Variants in MIER3 observed in about 807,000 individuals in gnomAD.
MIER3 encodes the protein MIER family member 3.
Under a neutral mutation model 63.2 loss-of-function variants are expected in MIER3, and 9 were observed. That is an observed-to-expected ratio of 0.14 (90% CI 0.09 to 0.25). The LOEUF is 0.25. Among genes scored for constraint, MIER3 ranks in the 10% least tolerant of loss-of-function variants. MIER3 has a pLI of 1.00. For missense variants in MIER3, 512 were observed against 666.2 expected (o/e 0.77, Z 2.55); for synonymous variants, 205 against 224.9 (o/e 0.91, Z 0.79).
At chr5:56,950,463 A>G (rs747632556) in intron 2 of MIER3, among the ~76,000 whole-genome samples, 165 bp downstream of exon 2, 2 of 152,220 alleles carry the variant, frequency 1.3e-5, no homozygotes, top group Non-Finnish European at 2.9e-5. Context: ...AAAGAACAGT[A>G]TAACTGTTTC....
Position 56,928,982 on chromosome 5 carries a change from C to CTT in MIER3, c.830-122_830-121insAA, listed in dbSNP as rs1340711584. The stretch of plus-strand genomic sequence containing the variant: ...TCTCTCTCTCTCTCACACACACACA[C>CTT]TCTCTCTCTCACACACACACACACT... On this transcript the variant is annotated intron_variant, in intron 9 of 12. Coordinates refer to ENST00000381199, the MANE Select transcript of MIER3 (RefSeq NM_001297599.2). 730 of 499,460 alleles carry CTT rather than the reference C, an allele frequency of 1.5e-3. 8 individuals carry two copies. Among genetic ancestry groups the CTT allele is most frequent in the Non-Finnish European group, 1.8e-3 (524 of 285,240 alleles). The allele number at this position is 499,460 out of a possible 1,614,324, so 30.9% of individuals were successfully genotyped here.
At chr5:56,943,510 T>C (rs1750723000) in intron 3 of MIER3, among the ~76,000 whole-genome samples, 2 of 152,120 alleles carry the variant, frequency 1.3e-5, no homozygotes, top group Non-Finnish European at 2.9e-5. Flanking sequence ...CGCTTTTCTA[T>C]AAAGACACAG....
intron 9 of MIER3, chr5:56,929,126 A>C: frequency 3.4e-6 from 1 of 293,964 alleles, no homozygotes; most frequent in Non-Finnish European, 6.2e-6. Context: ...CCACTACATT[A>C]TGGGATGAGA....
In MIER3 at chr5:56,923,442, T is replaced by G. The variant is rs1313987671; in HGVS notation, c.1339A>C (p.Asn447His). The G allele has an allele frequency of 6.2e-7, 1 of 1,614,176 alleles. No individual in the cohort carries two copies. Among genetic ancestry groups the G allele is most frequent in the South Asian group, 1.1e-5 (1 of 91,084 alleles). The change falls in exon 13 of 13, where the codon AAT (asparagine) becomes CAT (histidine). Residue 447 changes from asparagine to histidine, a missense_variant. Coordinates refer to ENST00000381199, the MANE Select transcript of MIER3 (RefSeq NM_001297599.2). ...AAATTAAAACAATCACTTTCCCCAT[T>G]GCTGGGCAGGGTGAGTAACTCTTCT... Reference protein sequence around the residue: ...VTEELLTLPSNGESDCFNLFE... With the variant: ...VTEELLTLPSHGESDCFNLFE...
Position 56,922,999 on chromosome 5 carries a change from C to G in MIER3, c.*129G>C, listed in dbSNP as rs1039211597. 7 of 684,020 alleles carry G rather than the reference C, an allele frequency of 1.0e-5. No individual in the cohort carries two copies. In the Admixed American group the frequency reaches 1.4e-4, roughly 14 times the overall value. 42.4% of individuals were successfully genotyped at this position (684,020 alleles called of 1,614,324 possible). On this transcript the variant is annotated 3_prime_UTR_variant, in exon 13 of 13. Coordinates refer to ENST00000381199, the MANE Select transcript of MIER3 (RefSeq NM_001297599.2). ...ACTCTTGATAAATCAAGATATAGTT[C>G]TATACATACTGACATCACTGATGTC...
chr5:56,928,954 A>AACTCTCTCTCTCTCACACACACAC (rs1750137003), intron 9 of MIER3, 93 bp from the exon 10 acceptor site: 1 of 642,648 alleles, frequency 1.6e-6, no homozygotes, highest in South Asian at 1.8e-5. Context: ...AAAGGTCACA[A>AACTCTCTCTCTCTCACACACACAC]ACTCTCTCTC....
At chr5:56,928,560 A>C (rs2112090549) in intron 10 of MIER3, 1 of 382,864 alleles carries the variant, frequency 2.6e-6, no homozygotes, top group East Asian at 4.1e-5. Context: ...TCAACTGTTT[A>C]TGTGAAAAGA....
chr5:56,937,861 T>G (rs2591966), intron 4 of MIER3, among the ~76,000 whole-genome samples, 163 bp from the exon 5 acceptor site: 46,003 of 146,708 alleles, frequency 0.31, 7,527 homozygotes, highest in East Asian at 0.54. Flanking sequence ...TTTAATATTA[T>G]ATATTATATA....
At chr5:56,951,965 C>T in intron 1 of MIER3, 129 bp downstream of exon 1, 3 of 777,600 alleles carry the variant, frequency 3.9e-6, no homozygotes, top group Non-Finnish European at 5.0e-6. Context: ...CCGCGACCCC[C>T]GCGTCGCCAC....
chr5:56,931,930 A>T (rs931047211), intron 8 of MIER3, among the ~76,000 whole-genome samples: 1 of 152,214 alleles, frequency 6.6e-6, no homozygotes, highest in Non-Finnish European at 1.5e-5. Flanking sequence ...AGAGTCAAGT[A>T]GTTTCAACAG....
chr5:56,930,534 T>C, intron 9 of MIER3, 130 bp downstream of exon 9: 1 of 749,850 alleles, frequency 1.3e-6, no homozygotes, highest in East Asian at 2.5e-5. Flanking sequence ...AAAAATTATT[T>C]GCTATGGAGC....
At chr5:56,945,868 A>C (rs1247735663) in intron 3 of MIER3, among the ~76,000 whole-genome samples, 1 of 152,246 alleles carries the variant, frequency 6.6e-6, no homozygotes, top group Non-Finnish European at 1.5e-5. Flanking sequence ...AGTGATATAG[A>C]AATAATCAAA....
chr5:56,929,656 A>G (rs1203983884), intron 9 of MIER3: 2 of 152,218 alleles, frequency 1.3e-5, no homozygotes, highest in East Asian at 1.9e-4. Flanking sequence ...TGGTGTGTGG[A>G]GTGCTATACT....
chr5:56,951,240 G>A (rs1415900273), intron 1 of MIER3, among the ~76,000 whole-genome samples: 2 of 151,990 alleles, frequency 1.3e-5, no homozygotes, highest in African/African-American at 4.8e-5. Context: ...CTCAGTTCCA[G>A]GGATGCTGGC....
In MIER3 at chr5:56,920,290, CAACT is replaced by C. The variant is rs1437588307; in HGVS notation, c.*2834_*2837del. ...AAGCTAGCATGAAAAAGATGAAGTA[CAACT>C]AACAAATGTATTGCTATAATCACAG... On this transcript the variant is annotated 3_prime_UTR_variant, in exon 13 of 13. Coordinates refer to ENST00000381199, the MANE Select transcript of MIER3 (RefSeq NM_001297599.2). 2 of 152,396 alleles carry C rather than the reference CAACT, an allele frequency of 1.3e-5. No homozygotes were observed. Among genetic ancestry groups the C allele is most frequent in the African/African-American group, 2.4e-5 (1 of 41,396 alleles). The allele number at this position is 152,396 out of a possible 1,614,324, so 9.4% of individuals were successfully genotyped here. A position where few individuals can be genotyped will look rare whatever the true frequency, so the allele number is the denominator to read the frequency against.
At chr5:56,929,916 A>C (rs1750198650) in intron 9 of MIER3, among the ~76,000 whole-genome samples, 1 of 152,236 alleles carries the variant, frequency 6.6e-6, no homozygotes, top group Admixed American at 6.5e-5. Flanking sequence ...GGTGAAAAAT[A>C]GTTTGAACTA....
At chr5:56,950,686 C>G (rs1245981530) in intron 1 of MIER3, 34 bp from the exon 2 acceptor site, 2 of 1,611,656 alleles carry the variant, frequency 1.2e-6, no homozygotes, top group African/African-American at 2.7e-5. Flanking sequence ...GAGGTTAGAT[C>G]GCACAGCCAG....
At chr5:56,948,668 C>T (rs1750911657) in intron 2 of MIER3, among the ~76,000 whole-genome samples, 1 of 151,664 alleles carries the variant, frequency 6.6e-6, no homozygotes, top group Non-Finnish European at 1.5e-5. Context: ...GACTCCATCT[C>T]AAAAAACAAA....
intron 3 of MIER3, among the ~76,000 whole-genome samples, chr5:56,943,639 A>T (rs189342060): frequency 3.3e-4 from 51 of 152,362 alleles, no homozygotes; most frequent in African/African-American, 1.2e-3. Flanking sequence ...TTGCACCAAA[A>T]CTTTTAAAGC....
Sources: gnomAD v4.1 joint callset for allele counts (sites outside exome capture counted in the v4.1 genomes callset) on GRCh38, gnomAD v4.1.1 for gene constraint, MANE v1.5 for transcripts, NCBI Gene and HGNC (gene_info 2026-07-23, HGNC 2026-07-21) for gene names.